The following RBM47 variants were observed in gnomAD, a reference collection of about 807,000 sequenced individuals.
RBM47 encodes the protein RNA-binding protein 47.
Under a neutral mutation model 47.1 loss-of-function variants are expected in RBM47, and 21 were observed. That is an observed-to-expected ratio of 0.45 (90% CI 0.32 to 0.64). The LOEUF (loss-of-function observed/expected upper bound fraction) is 0.64, where lower values mean the gene tolerates loss of function less well. RBM47 is among the 30% of genes least tolerant of loss of function. The probability of loss-of-function intolerance (pLI) is 0.05; values close to 1 mark genes in which losing one functional copy is unlikely to be tolerated. For synonymous variants in RBM47, 375 were observed against 361.7 expected (o/e 1.04, Z -0.42); for missense variants, 708 against 870.9 (o/e 0.81, Z 2.35).
At chr4:40,576,493 A>G (rs1359392548) in intron 1 of RBM47, among the ~76,000 whole-genome samples, 2 of 152,204 alleles carry the variant, frequency 1.3e-5, no homozygotes, top group Non-Finnish European at 2.9e-5. Flanking sequence ...TACATAACAT[A>G]TATGAAAGCA....
intron 2 of RBM47, among the ~76,000 whole-genome samples, chr4:40,542,238 T>G (rs1308002458): frequency 6.6e-6 from 1 of 152,130 alleles, no homozygotes; most frequent in Non-Finnish European, 1.5e-5. Flanking sequence ...TTCCAGAAAT[T>G]TGACTAAGTT....
At position 40,561,544 on chromosome 4, in the gene RBM47, C is replaced by CTT. The variant is rs796381156; in HGVS notation, c.-239-17040_-239-17039dup. ...CAACTTCTTTTTTGCTTCTTCTTTT[C>CTT]TTTTTTTTTTCTTTTTTTTTTTTGA... On this transcript the variant is annotated intron_variant, in intron 1 of 6. Coordinates refer to ENST00000295971, the MANE Select transcript of RBM47 (RefSeq NM_001098634.2). Among the ~76,000 whole-genome samples the CTT allele has an allele frequency of 1.0e-3, 124 of 124,528 alleles. 2 individuals are homozygous for CTT. Among genetic ancestry groups the CTT allele is most frequent in the African/African-American group, 2.3e-3 (69 of 29,578 alleles). The allele number at this position is 124,528 out of a possible 152,430, so 81.7% of individuals were successfully genotyped here.
At chr4:40,519,692 G>C (rs12505982) in intron 2 of RBM47, among the ~76,000 whole-genome samples, 3 of 110,318 alleles carry the variant, frequency 2.7e-5, no homozygotes, top group African/African-American at 3.6e-5. Context: ...TTTTTGAGAC[G>C]GAGTCTCGCT....
chr4:40,428,012 G>A (rs1368442016), intron 6 of RBM47, among the ~76,000 whole-genome samples: 1 of 152,074 alleles, frequency 6.6e-6, no homozygotes, highest in East Asian at 1.9e-4. Context: ...GCAACATGGC[G>A]AAACCTTGTC....
At chr4:40,445,116 T>C (rs1332934508) in intron 3 of RBM47, among the ~76,000 whole-genome samples, 2 of 151,488 alleles carry the variant, frequency 1.3e-5, no homozygotes, top group Non-Finnish European at 2.9e-5. Context: ...CTACTAAAAA[T>C]AGAAAAAATT....
chr4:40,580,082 G>A (rs958058746), intron 1 of RBM47, among the ~76,000 whole-genome samples: 1 of 151,962 alleles, frequency 6.6e-6, no homozygotes, highest in African/African-American at 2.4e-5. Flanking sequence ...TTATAAATTC[G>A]AATTGGTCTA....
chr4:40,585,230 G>C (rs977529618), intron 1 of RBM47, among the ~76,000 whole-genome samples: 1 of 152,094 alleles, frequency 6.6e-6, no homozygotes, highest in African/African-American at 2.4e-5. Flanking sequence ...CAGAGTTGCT[G>C]CTATTTATTT....
chr4:40,478,461 AAAGTAC>A (rs1719947655), intron 2 of RBM47, among the ~76,000 whole-genome samples: 1 of 152,174 alleles, frequency 6.6e-6, no homozygotes, highest in African/African-American at 2.4e-5. Context: ...AAAGGAAAAA[AAAGTAC>A]AGACGCAAAA....
chr4:40,444,686 A>G (rs1283820177), intron 3 of RBM47, among the ~76,000 whole-genome samples: 2 of 148,524 alleles, frequency 1.3e-5, no homozygotes, highest in Non-Finnish European at 1.5e-5. Context: ...TTTTTTTTAG[A>G]TGGAGTCTCA....
In RBM47 at chr4:40,423,715, T is replaced by TC. The variant is rs1714681708; in HGVS notation, c.*2188_*2189insG. ...TTCTTTCTTTCTTTCTTTCTTTCTTTTCTTTCTTTTCTTTCTTCCTCTTCT... is the reference window on the plus strand; with the variant it reads ...TTCTTTCTTTCTTTCTTTCTTTCTTTCTCTTTCTTTTCTTTCTTCCTCTTCT... On this transcript the variant is annotated 3_prime_UTR_variant, in exon 7 of 7. Transcript: ENST00000295971. 2.1e-5 allele frequency: 3 copies of TC among 142,786 alleles called. No homozygotes were observed. Among genetic ancestry groups the TC allele is most frequent in the African/African-American group, 8.0e-5 (3 of 37,396 alleles). The allele number at this position is 142,786 out of a possible 1,614,324, so 8.8% of individuals were successfully genotyped here. A position where few individuals can be genotyped will look rare whatever the true frequency, so the allele number is the denominator to read the frequency against.
At chr4:40,532,309 ATTTTTTTTT>A (rs34850081) in intron 2 of RBM47, among the ~76,000 whole-genome samples, 6 of 65,780 alleles carry the variant, frequency 9.1e-5, no homozygotes, top group African/African-American at 3.8e-4. Context: ...CACGCCCGGC[ATTTTTTTTT>A]TTTTTTTTTT....
intron 3 of RBM47, among the ~76,000 whole-genome samples, chr4:40,464,890 CAAAAAAAAAAA>C (rs71646997): frequency 1.6e-4 from 5 of 32,082 alleles, no homozygotes; most frequent in African/African-American, 4.4e-4. Flanking sequence ...GACTCTGTCT[CAAAAAAAAAAA>C]AAAAAAAAAA....
At chr4:40,492,080 G>GAAGAAAAAAAAAAAAAAAAAAA in intron 2 of RBM47, 1 of 141,248 alleles carries the variant, frequency 7.1e-6, no homozygotes. Flanking sequence ...AACCTGAACT[G>GAAGAAAAAAAAAAAAAAAAAAA]AAAAAAGGCT....
rs1485940960 is a variant in RBM47 at position 40,438,383 on chromosome 4, T to A, written c.511A>T (p.Ile171Phe). 5 of 1,612,400 alleles carry A rather than the reference T, an allele frequency of 3.1e-6. No individual in the cohort carries two copies. Among genetic ancestry groups the A allele is most frequent in the Non-Finnish European group, 2.5e-6 (3 of 1,179,846 alleles). ...MKKREEILEE[I>F]AKVTEGVLDV... is the part of the protein sequence containing the mutation. ...AGCACGCCCTCGGTGACCTTGGCAA[T>A]CTCCTCCAGGATTTCCTCGCGCTTC... Residue 171 changes from isoleucine to phenylalanine, a missense_variant, in exon 4 of 7, where the codon ATT becomes TTT. Ile to Phe is a conservative substitution (Grantham distance 21). Coordinates refer to ENST00000295971, the MANE Select transcript of RBM47 (RefSeq NM_001098634.2).
intron 1 of RBM47, among the ~76,000 whole-genome samples, chr4:40,611,029 A>G (rs540648242): frequency 1.3e-5 from 2 of 152,288 alleles, no homozygotes; most frequent in South Asian, 4.1e-4. Flanking sequence ...CTATGTAAAT[A>G]TTAAGTATGT....
intron 2 of RBM47, among the ~76,000 whole-genome samples, chr4:40,533,479 G>T (rs995954589): frequency 1.3e-5 from 2 of 151,562 alleles, no homozygotes; most frequent in African/African-American, 4.8e-5. Context: ...AAGCTCTCAG[G>T]TAGGAAAGAG....
chr4:40,579,878 G>A (rs920911476), intron 1 of RBM47, among the ~76,000 whole-genome samples: 2 of 151,792 alleles, frequency 1.3e-5, no homozygotes, highest in African/African-American at 4.8e-5. Flanking sequence ...CTCCCATGTA[G>A]AGGTGACCAC....
chr4:40,555,045 C>T (rs1456592980), intron 1 of RBM47, among the ~76,000 whole-genome samples: 1 of 152,180 alleles, frequency 6.6e-6, no homozygotes, highest in Non-Finnish European at 1.5e-5. Context: ...AAGCGGTTCT[C>T]CTGCCTCAGC....
Position 40,459,048 on chromosome 4 carries a change from C to T in RBM47, c.-32+7529G>A, listed in dbSNP as rs1015639917. Among the ~76,000 whole-genome samples, 146 of 152,188 alleles carry T rather than the reference C, an allele frequency of 9.6e-4. 1 individual carries two copies. The Middle Eastern group carries it at 0.01, about 11-fold the overall frequency. ...AGAAATGAGACCATCTGAGACAGGT[C>T]CTTTAACACAGAAAAAGTAAAATTC... On this transcript the variant is annotated intron_variant, in intron 3 of 6. Coordinates refer to ENST00000295971, the MANE Select transcript of RBM47 (RefSeq NM_001098634.2).
Sources: allele counts gnomAD v4.1 joint callset (sites outside exome capture counted in the v4.1 genomes callset), GRCh38; gene constraint gnomAD v4.1.1; transcripts MANE v1.5; gene names NCBI Gene and HGNC (gene_info 2026-07-23, HGNC 2026-07-21).